Variants in ADAM19 observed in about 807,000 individuals in gnomAD.
ADAM19 encodes the protein ADAM metallopeptidase domain 19.
A neutral mutation model predicts 114.7 loss-of-function variants in ADAM19; 65 were observed. The observed-to-expected ratio is 0.57, with a 90% CI of 0.46 to 0.70. The LOEUF (loss-of-function observed/expected upper bound fraction) is 0.70, where lower values mean the gene tolerates loss of function less well. Ranked by LOEUF, ADAM19 falls within the 30% of genes least tolerant of loss-of-function variation. The pLI, the probability that ADAM19 is intolerant of heterozygous loss-of-function variation, is 0.00. For missense variants in ADAM19, 1,063 were observed against 1,204.7 expected (o/e 0.88, Z 1.74); for synonymous variants, 466 against 460.5 (o/e 1.01, Z -0.15).
At chr5:157,491,952 G>T (rs1407947090) in intron 16 of ADAM19, 40 bp from the exon 17 acceptor site, 3 of 1,604,742 alleles carry the variant, frequency 1.9e-6, no homozygotes, top group African/African-American at 2.7e-5. Flanking sequence ...GCAATGGGAG[G>T]GATGCTGGTT....
At position 157,477,615 on chromosome 5, in the gene ADAM19, T is replaced by G; in HGVS notation, c.*3334A>C. The G allele has an allele frequency of 2.3e-6, 3 of 1,281,344 alleles. No individual in the cohort carries two copies. In the Admixed American group the frequency reaches 7.0e-5, roughly 30 times the overall value. The allele number at this position is 1,281,344 out of a possible 1,614,324, so 79.4% of individuals were successfully genotyped here. ...CAGGCTCCCCTGGGGAAGGGGACCT[T>G]TCCAGTTGGCGTTCCCATGGCTTTC... On this transcript the variant is annotated 3_prime_UTR_variant, in exon 23 of 23. Coordinates refer to ENST00000257527, the MANE Select transcript of ADAM19 (RefSeq NM_033274.5).
At chr5:157,491,786 G>C (rs1240895243) in intron 17 of ADAM19, 49 bp downstream of exon 17, 2 of 1,612,004 alleles carry the variant, frequency 1.2e-6, no homozygotes, top group Non-Finnish European at 1.7e-6. Context: ...CACAGGGCCT[G>C]CCCTCATGAC....
chr5:157,530,304 G>A (rs1003084225), intron 5 of ADAM19, among the ~76,000 whole-genome samples: 2 of 152,102 alleles, frequency 1.3e-5, no homozygotes, highest in Non-Finnish European at 2.9e-5. Flanking sequence ...TAAGGACAGA[G>A]AGCCCATAAA....
intron 13 of ADAM19, among the ~76,000 whole-genome samples, chr5:157,498,790 C>T (rs1309738340): frequency 6.6e-6 from 1 of 151,524 alleles, no homozygotes; most frequent in African/African-American, 2.4e-5. Flanking sequence ...CTGGGGATAA[C>T]ACCTTCTGAT....
At chr5:157,547,727 C>T (rs1421902165) in intron 3 of ADAM19, among the ~76,000 whole-genome samples, 1 of 152,212 alleles carries the variant, frequency 6.6e-6, no homozygotes, top group Non-Finnish European at 1.5e-5. Flanking sequence ...ACCACCCTCT[C>T]CCTCAGCCCA....
intron 13 of ADAM19, among the ~76,000 whole-genome samples, chr5:157,497,677 T>G (rs959273874): frequency 2.6e-5 from 4 of 152,108 alleles, no homozygotes; most frequent in African/African-American, 9.7e-5. Context: ...GGCCAGGCAC[T>G]GGGCTGAGTG....
At chr5:157,544,926 T>A (rs1473343722) in intron 3 of ADAM19, among the ~76,000 whole-genome samples, 2 of 152,094 alleles carry the variant, frequency 1.3e-5, no homozygotes, top group East Asian at 3.8e-4. Flanking sequence ...AGAAAAACGG[T>A]GTGGATAAGA....
Position 157,570,889 on chromosome 5 carries a change from T to C in ADAM19, c.180+6A>G. On this transcript the variant is annotated splice_donor_region_variant and intron_variant, in intron 2 of 22. Transcript: ENST00000257527. ...GCCAGTGTAAATGAGGTCTTTTGAG[T>C]CTTACCTTTTCTCTCACGGGGCTTT... The C allele has an allele frequency of 6.2e-7, 1 of 1,613,686 alleles. No homozygotes were observed. Among genetic ancestry groups the C allele is most frequent in the Non-Finnish European group, 8.5e-7 (1 of 1,179,708 alleles).
intron 9 of ADAM19, among the ~76,000 whole-genome samples, chr5:157,508,935 G>A (rs1164706343): frequency 8.5e-5 from 13 of 152,248 alleles, no homozygotes; most frequent in African/African-American, 3.1e-4. Context: ...ATCAGCTCAT[G>A]TATTAGAACA....
Position 157,480,857 on chromosome 5 carries a change from G to A in ADAM19, c.*92C>T, listed in dbSNP as rs1314007833. 4 of 1,592,682 alleles carry A rather than the reference G, an allele frequency of 2.5e-6. No individual in the cohort carries two copies. Among genetic ancestry groups the A allele is most frequent in the Non-Finnish European group, 3.4e-6 (4 of 1,170,568 alleles). ...GGAGGAGGGTGGGAGGAGCTCAGAG[G>A]CGGCCAGACATGCTTCTTCAGGGTT... On this transcript the variant is annotated 3_prime_UTR_variant, in exon 23 of 23. Coordinates refer to ENST00000257527, the MANE Select transcript of ADAM19 (RefSeq NM_033274.5).
chr5:157,492,910 A>G, intron 16 of ADAM19, 63 bp downstream of exon 16: 1 of 1,571,340 alleles, frequency 6.4e-7, no homozygotes, highest in Non-Finnish European at 8.7e-7. Context: ...CTTCCCTCAG[A>G]CCTCACTTCT....
At chr5:157,494,587 G>C (rs1164794076) in intron 15 of ADAM19, 100 bp downstream of exon 15, 5 of 918,762 alleles carry the variant, frequency 5.4e-6, no homozygotes, top group Non-Finnish European at 8.6e-6. Context: ...TAAAGGTGCA[G>C]CTCTGGGGCC....
chr5:157,492,932 C>T (rs779398349), intron 16 of ADAM19, 41 bp downstream of exon 16: 42 of 1,607,148 alleles, frequency 2.6e-5, no homozygotes, highest in Admixed American at 8.3e-5. Flanking sequence ...AATCACTCTG[C>T]TCTGCAGCTG....
chr5:157,572,252 AT>A, intron 1 of ADAM19: 1 of 455,492 alleles, frequency 2.2e-6, no homozygotes, highest in African/African-American at 2.0e-5. Flanking sequence ...CACCCGGCTA[AT>A]TTTTTTGTAT....
At chr5:157,574,684 G>A (rs942467068) in intron 1 of ADAM19, among the ~76,000 whole-genome samples, 13 of 152,158 alleles carry the variant, frequency 8.5e-5, no homozygotes, top group African/African-American at 3.1e-4. Flanking sequence ...GAGAGAACCC[G>A]GGCACCGCCC....
chr5:157,572,738 T>C (rs1347189245), intron 1 of ADAM19, among the ~76,000 whole-genome samples: 1 of 152,190 alleles, frequency 6.6e-6, no homozygotes, highest in Non-Finnish European at 1.5e-5. Context: ...TGCTTAATAT[T>C]CATGGAGGAA....
At chr5:157,496,250 C>T (rs1398929709) in intron 14 of ADAM19, among the ~76,000 whole-genome samples, 4 of 152,080 alleles carry the variant, frequency 2.6e-5, no homozygotes, top group African/African-American at 9.7e-5. Context: ...CCTTATTTAG[C>T]CATAAAGCAT....
At chr5:157,500,161 C>T (rs909969796) in intron 12 of ADAM19, among the ~76,000 whole-genome samples, 1 of 152,116 alleles carries the variant, frequency 6.6e-6, no homozygotes, top group African/African-American at 2.4e-5. Flanking sequence ...TATATATGCA[C>T]AATCATTAGT....
chr5:157,557,075 G>T (rs529105147), intron 3 of ADAM19, among the ~76,000 whole-genome samples: 24 of 152,090 alleles, frequency 1.6e-4, no homozygotes, highest in Admixed American at 5.2e-4. Flanking sequence ...TGTTTGTTTG[G>T]TTGGTTGGTT....
Sources: allele counts gnomAD v4.1 joint callset (sites outside exome capture counted in the v4.1 genomes callset), GRCh38; gene constraint gnomAD v4.1.1; transcripts MANE v1.5; gene names NCBI Gene and HGNC (gene_info 2026-07-23, HGNC 2026-07-21).